Variants in DUOXA1 observed in about 807,000 individuals in gnomAD.
DUOXA1 encodes the protein dual oxidase maturation factor 1.
Under a neutral mutation model 26.6 loss-of-function variants are expected in DUOXA1, and 19 were observed. The ratio of observed to expected loss-of-function variants is 0.71; its 90% CI spans 0.50 to 1.05. The LOEUF is 1.05. Among genes scored for constraint, DUOXA1 ranks in the 50% least tolerant of loss-of-function variants. The pLI, the probability that DUOXA1 is intolerant of heterozygous loss-of-function variation, is 0.00. For synonymous variants in DUOXA1, 166 were observed against 177.0 expected, an observed-to-expected ratio of 0.94 and a Z score of 0.49; for missense variants, 403 against 427.5, an observed-to-expected ratio of 0.94 and a Z score of 0.51.
rs905993992 is a variant in DUOXA1 at position 45,125,618 on chromosome 15, T to C, written c.-29-2575A>G. ...GGGCAGTTTTCACTTTTCATGCTTC[T>C]TGACCTCTCTGTGGTATTTAACACT... On this transcript the variant is annotated intron_variant, in intron 3 of 8. Transcript: ENST00000560572. 2.6e-5 allele frequency among the ~76,000 whole-genome samples: 4 copies of C among 152,378 alleles called. No homozygotes were observed. In the East Asian group the frequency reaches 7.7e-4, roughly 29 times the overall value.
Position 45,120,296 on chromosome 15 carries a change from C to T in DUOXA1, c.579G>A (p.Leu193=). 1 of 1,614,070 alleles carries T rather than the reference C, an allele frequency of 6.2e-7. No homozygotes were observed. Among genetic ancestry groups the T allele is most frequent in the Non-Finnish European group, 8.5e-7 (1 of 1,180,010 alleles). Reference sequence around the variant, plus strand: ...CAGGCATGGAGAGCATCACATTGGCCAGCAGCCAGCAGAGGAATGCCACCC... The same window carrying T: ...CAGGCATGGAGAGCATCACATTGGCTAGCAGCCAGCAGAGGAATGCCACCC... ...MLWVAFLCWL[L]ANVMLSMPVL... is the part of the protein sequence containing the mutation. The change falls in exon 8 of 9, where the codon CTG becomes CTA. Residue 193 remains leucine (L), a synonymous_variant. Transcript: ENST00000560572.
At chr15:45,126,259 A>G (rs745524159) in intron 3 of DUOXA1, among the ~76,000 whole-genome samples, 14 of 152,194 alleles carry the variant, frequency 9.2e-5, no homozygotes, top group Non-Finnish European at 1.3e-4. Context: ...TCCCACATAA[A>G]GTGCTTTATA....
At position 45,117,879 on chromosome 15, in the gene DUOXA1, A is replaced by G. The variant is rs2141172236; in HGVS notation, c.*1227T>C. On this transcript the variant is annotated 3_prime_UTR_variant, in exon 9 of 9. Transcript: ENST00000560572. ...CACTGCACAAGCAGGCCGCTCTCCCAGACTTAAAATGTATCACCACTAACC... is the reference window on the plus strand; with the variant it reads ...CACTGCACAAGCAGGCCGCTCTCCCGGACTTAAAATGTATCACCACTAACC... 6.2e-7 allele frequency: 1 copy of G among 1,613,522 alleles called. No individual in the cohort carries two copies. Among genetic ancestry groups the G allele is most frequent in the South Asian group, 1.1e-5 (1 of 91,080 alleles).
Position 45,117,936 on chromosome 15 carries a change from C to T in DUOXA1, c.*1170G>A. The T allele has an allele frequency of 6.2e-7, 1 of 1,613,132 alleles. No homozygotes were observed. Among genetic ancestry groups the T allele is most frequent in the Non-Finnish European group, 8.5e-7 (1 of 1,179,948 alleles). On this transcript the variant is annotated 3_prime_UTR_variant, in exon 9 of 9. Transcript: ENST00000560572. ...GGGGACCCAATCTGGACTCCTTCCC[C>T]GCCTTGGGACATCGCAGGCCGGGAA...
At chr15:45,120,405 A>T in intron 7 of DUOXA1, 85 bp from the exon 8 acceptor site, 1 of 1,544,454 alleles carries the variant, frequency 6.5e-7, no homozygotes, top group Admixed American at 1.7e-5. Context: ...AGGTTCAGGG[A>T]CCCAAGAGTG....
chr15:45,121,564 G>C (rs1176576523), intron 5 of DUOXA1, among the ~76,000 whole-genome samples: 1 of 152,236 alleles, frequency 6.6e-6, no homozygotes, highest in Non-Finnish European at 1.5e-5. Flanking sequence ...TCCCAGGCTG[G>C]AGTGCAGTGG....
rs746432117 is a variant in DUOXA1 at position 45,117,966 on chromosome 15, T to G, written c.*1140A>C. 3.1e-6 allele frequency: 5 copies of G among 1,612,764 alleles called. No individual in the cohort carries two copies. Among genetic ancestry groups the G allele is most frequent in the Non-Finnish European group, 4.2e-6 (5 of 1,179,724 alleles). On this transcript the variant is annotated 3_prime_UTR_variant, in exon 9 of 9. Transcript: ENST00000560572. Reference sequence around the variant, plus strand: ...TGGGACATCGCAGGCCGGGAAGCAGTGCCCGCCAGGCCTGGGCCAGGAGAG... The same window carrying G: ...TGGGACATCGCAGGCCGGGAAGCAGGGCCCGCCAGGCCTGGGCCAGGAGAG...
chr15:45,122,119 T>C (rs1895264988), intron 5 of DUOXA1, 66 bp downstream of exon 5: 1 of 1,523,054 alleles, frequency 6.6e-7, no homozygotes, highest in South Asian at 1.2e-5. Flanking sequence ...GGAGAGGAGA[T>C]GCAGGCTGCT....
In DUOXA1 at chr15:45,119,037, G is replaced by A; in HGVS notation, c.*69C>T. On this transcript the variant is annotated 3_prime_UTR_variant, in exon 9 of 9. Coordinates refer to ENST00000560572, the MANE Select transcript of DUOXA1 (RefSeq NM_001276266.2). ...CAGCCACCCTGAGGGCAGTTCTGCT[G>A]GTTTTATGGGGCGCCAATGAGGTTT... 6.6e-7 allele frequency: 1 copy of A among 1,517,342 alleles called. No homozygotes were observed. Among genetic ancestry groups the A allele is most frequent in the Non-Finnish European group, 8.8e-7 (1 of 1,130,714 alleles). The allele number at this position is 1,517,342 out of a possible 1,614,324, so 94.0% of individuals were successfully genotyped here. A position where few individuals can be genotyped will look rare whatever the true frequency, so the allele number is the denominator to read the frequency against.
rs1894874344 is a variant in DUOXA1 at position 45,118,963 on chromosome 15, A to G, written c.*143T>C. On this transcript the variant is annotated 3_prime_UTR_variant, in exon 9 of 9. Transcript: ENST00000560572. ...TTTGTTTTTTAACATCAGTATATAGAGCCTCCTTTTTCTACTCCGTCTGTA... is the reference window on the plus strand; with the variant it reads ...TTTGTTTTTTAACATCAGTATATAGGGCCTCCTTTTTCTACTCCGTCTGTA... The G allele has an allele frequency of 1.4e-6, 2 of 1,426,474 alleles. No individual in the cohort carries two copies. The highest frequency in any genetic ancestry group is 1.8e-6 in the Non-Finnish European group (2 of 1,092,096). 88.4% of individuals were successfully genotyped at this position (1,426,474 alleles called of 1,614,324 possible).
chr15:45,124,210 C>T (rs1480417473), intron 3 of DUOXA1, among the ~76,000 whole-genome samples: 1 of 152,172 alleles, frequency 6.6e-6, no homozygotes, highest in East Asian at 1.9e-4. Context: ...AGTCAAGTAG[C>T]CCCAGAGGGT....
At chr15:45,127,983 T>G (rs1895806800) in intron 3 of DUOXA1, among the ~76,000 whole-genome samples, 1 of 152,060 alleles carries the variant, frequency 6.6e-6, no homozygotes, top group Non-Finnish European at 1.5e-5. Context: ...GTGACAAAAT[T>G]GGGATGCTTT....
At position 45,117,957 on chromosome 15, in the gene DUOXA1, G is replaced by T. The variant is rs756753743; in HGVS notation, c.*1149C>A. 21 of 1,612,668 alleles carry T rather than the reference G, an allele frequency of 1.3e-5. No individual in the cohort carries two copies. Among genetic ancestry groups the T allele is most frequent in the South Asian group, 9.9e-5 (9 of 91,058 alleles). ...TCCCCGCCTTGGGACATCGCAGGCCGGGAAGCAGTGCCCGCCAGGCCTGGG... is the reference window on the plus strand; with the variant it reads ...TCCCCGCCTTGGGACATCGCAGGCCTGGAAGCAGTGCCCGCCAGGCCTGGG... On this transcript the variant is annotated 3_prime_UTR_variant, in exon 9 of 9. Coordinates refer to ENST00000560572, the MANE Select transcript of DUOXA1 (RefSeq NM_001276266.2).
chr15:45,119,917 G>A (rs955204764), intron 8 of DUOXA1, among the ~76,000 whole-genome samples, 186 bp downstream of exon 8: 1 of 151,524 alleles, frequency 6.6e-6, no homozygotes, highest in Non-Finnish European at 1.5e-5. Context: ...TCTCTGAGGA[G>A]GGGGGGGAAG....
At chr15:45,119,962 T>A in intron 8 of DUOXA1, 141 bp downstream of exon 8, 2 of 869,922 alleles carry the variant, frequency 2.3e-6, no homozygotes, top group Non-Finnish European at 3.6e-6. Context: ...AGATAAGAGA[T>A]ACAAGAGGGT....
Position 45,118,146 on chromosome 15 carries a change from G to C in DUOXA1, c.*960C>G, listed in dbSNP as rs965188656. On this transcript the variant is annotated 3_prime_UTR_variant, in exon 9 of 9. Coordinates refer to ENST00000560572, the MANE Select transcript of DUOXA1 (RefSeq NM_001276266.2). Reference sequence around the variant, plus strand: ...AATTTTCATGGCTTCTCCGCGCCGGGGTCGCACGTCCTCATGAGCTTCGCT... The same window carrying C: ...AATTTTCATGGCTTCTCCGCGCCGGCGTCGCACGTCCTCATGAGCTTCGCT... The C allele has an allele frequency of 8.3e-6, 12 of 1,438,352 alleles. No homozygotes were observed. The highest frequency in any genetic ancestry group is 1.1e-5 in the Non-Finnish European group (12 of 1,101,192). 89.1% of individuals were successfully genotyped at this position (1,438,352 alleles called of 1,614,324 possible). A position where few individuals can be genotyped will look rare whatever the true frequency, so the allele number is the denominator to read the frequency against.
chr15:45,119,462 T>C, intron 8 of DUOXA1, 97 bp from the exon 9 acceptor site: 1 of 1,462,000 alleles, frequency 6.8e-7, no homozygotes, highest in Non-Finnish European at 9.1e-7. Context: ...AAGGGAAGCC[T>C]AGAGCCCCTG....
rs1894818210 is a variant in DUOXA1, at chr15:45,118,236, A to G, written c.*870T>C. On this transcript the variant is annotated 3_prime_UTR_variant, in exon 9 of 9. Coordinates refer to ENST00000560572, the MANE Select transcript of DUOXA1 (RefSeq NM_001276266.2). ...AAACCTGATTCTCTGCGTCGACTCC[A>G]GAGTAATAGGGGCGCCCTCTAGTGA... is the stretch of plus-strand genomic sequence containing the variant. 1 of 1,408,418 alleles carries G rather than the reference A, an allele frequency of 7.1e-7. No individual in the cohort carries two copies. The highest frequency in any genetic ancestry group is 1.7e-5 in the South Asian group (1 of 60,536). The allele number at this position is 1,408,418 out of a possible 1,614,324, so 87.2% of individuals were successfully genotyped here.
Position 45,117,478 on chromosome 15 carries a change from T to C in DUOXA1, c.*1628A>G. ...ATTTTACAGATGAAAAGTGGGGGGC[T>C]CAGAAGGGTTTGGTGTCTTGCCGTG... is the stretch of plus-strand genomic sequence containing the variant. On this transcript the variant is annotated 3_prime_UTR_variant, in exon 9 of 9. Transcript: ENST00000560572. 2 of 1,550,522 alleles carry C rather than the reference T, an allele frequency of 1.3e-6. No homozygotes were observed. The highest frequency in any genetic ancestry group is 1.7e-6 in the Non-Finnish European group (2 of 1,146,136).
Sources: allele counts gnomAD v4.1 joint callset (sites outside exome capture counted in the v4.1 genomes callset), GRCh38; gene constraint gnomAD v4.1.1; transcripts MANE v1.5; gene names NCBI Gene and HGNC (gene_info 2026-07-23, HGNC 2026-07-21).